Variants in RNF144A observed in about 807,000 individuals in gnomAD.
The protein encoded by RNF144A is E3 ubiquitin-protein ligase RNF144A.
Under a neutral mutation model 38.7 loss-of-function variants are expected in RNF144A, and 11 were observed. The observed-to-expected ratio is 0.28, with a 90% confidence interval of 0.18 to 0.47. The LOEUF (loss-of-function observed/expected upper bound fraction) is 0.47, where lower values mean the gene tolerates loss of function less well. Among genes scored for constraint, RNF144A ranks in the 20% least tolerant of loss-of-function variants. The probability of loss-of-function intolerance (pLI) is 0.99; values close to 1 mark genes in which losing one functional copy is unlikely to be tolerated. For missense variants in RNF144A, 316 were observed against 377.2 expected, an observed-to-expected ratio of 0.84 and a Z score of 1.34; for synonymous variants, 149 against 143.9, an observed-to-expected ratio of 1.04 and a Z score of -0.25.
At chr2:6,970,842 C>T (rs1667961347) in intron 2 of RNF144A, among the ~76,000 whole-genome samples, 1 of 152,190 alleles carries the variant, frequency 6.6e-6, no homozygotes, top group South Asian at 2.1e-4. Context: ...GTGGCCTAGT[C>T]CTTCCTCCTG....
In RNF144A at chr2:6,941,215, C is replaced by T. The variant is rs1168982373; in HGVS notation, c.-12+68C>T. 1 of 152,212 alleles carries T rather than the reference C, an allele frequency of 6.6e-6. No individual in the cohort carries two copies. The highest frequency in any genetic ancestry group is 2.4e-5 in the African/African-American group (1 of 41,444). 9.4% of individuals were successfully genotyped at this position (152,212 alleles called of 1,614,324 possible). A position where few individuals can be genotyped will look rare whatever the true frequency, so the allele number is the denominator to read the frequency against. ...GATCTCTTCTTAGTGGAATCTCAGG[C>T]CATTGTTGGAAAAGATAGTAGGCCT... On this transcript the variant is annotated intron_variant, in intron 2 of 8. Transcript: ENST00000320892. The surrounding 1 kb of genome is among the most constrained non-coding windows in gnomAD (Gnocchi z 6.5).
At chr2:6,987,075 T>C (rs1418480191) in intron 2 of RNF144A, among the ~76,000 whole-genome samples, 1 of 152,158 alleles carries the variant, frequency 6.6e-6, no homozygotes, top group Non-Finnish European at 1.5e-5. Context: ...CTGGGTCCTC[T>C]GTGGGAAACC....
At chr2:7,070,573 T>TATTTCCTAAC (rs1674433065), downstream of RNF144A, among the ~76,000 whole-genome samples, 8 of 152,250 alleles carry the variant, frequency 5.3e-5, no homozygotes, top group Admixed American at 2.0e-4. Flanking sequence ...ATAGAGAGTG[T>TATTTCCTAAC]TTGCAGATAT....
intron 5 of RNF144A, among the ~76,000 whole-genome samples, chr2:7,019,139 G>C (rs886275772): frequency 1.3e-5 from 2 of 152,160 alleles, no homozygotes; most frequent in African/African-American, 4.8e-5. Context: ...GCCAGCCCCT[G>C]GATTAGATGA....
At chr2:6,982,153 G>C (rs1668672055) in intron 2 of RNF144A, among the ~76,000 whole-genome samples, 1 of 152,196 alleles carries the variant, frequency 6.6e-6, no homozygotes, top group Admixed American at 6.5e-5. Context: ...TACAATTCCA[G>C]ATAAGATTTG....
rs1664202862 is a variant in RNF144A at position 6,917,609 on chromosome 2, A to ACGAGCAGG, written c.-223_-216dup. 6.8e-6 allele frequency: 1 copy of ACGAGCAGG among 147,552 alleles called. No homozygotes were observed. The highest frequency in any genetic ancestry group is 1.5e-5 in the Non-Finnish European group (1 of 66,278). 9.1% of individuals were successfully genotyped at this position (147,552 alleles called of 1,614,324 possible). A position where few individuals can be genotyped will look rare whatever the true frequency, so the allele number is the denominator to read the frequency against. On this transcript the variant is annotated 5_prime_UTR_variant, in exon 1 of 9. Transcript: ENST00000320892. The surrounding 1 kb of genome is among the most constrained non-coding windows in gnomAD (Gnocchi z 4.8). ...GAGGCGTCAGAGCCGCGCACCGCGGACGAGCAGGCCCAGGTAGAGTGACGC... is the reference window on the plus strand; with the variant it reads ...GAGGCGTCAGAGCCGCGCACCGCGGACGAGCAGGCGAGCAGGCCCAGGTAGAGTGACGC...
At position 7,043,485 on chromosome 2, in the gene RNF144A, A is replaced by G. The variant is rs1465680228; in HGVS notation, c.*3725A>G. On this transcript the variant is annotated 3_prime_UTR_variant, in exon 9 of 9. Coordinates refer to ENST00000320892, the MANE Select transcript of RNF144A (RefSeq NM_014746.6). ...CTGTGTATATATATAAATCACAAGGAGATCATCAAGGGAAAACATTTTGCA... is the reference window on the plus strand; with the variant it reads ...CTGTGTATATATATAAATCACAAGGGGATCATCAAGGGAAAACATTTTGCA... The G allele has an allele frequency of 1.0e-6, 1 of 985,674 alleles. No individual in the cohort carries two copies. The highest frequency in any genetic ancestry group is 1.2e-6 in the Non-Finnish European group (1 of 829,886). 61.1% of individuals were successfully genotyped at this position (985,674 alleles called of 1,614,324 possible). A position where few individuals can be genotyped will look rare whatever the true frequency, so the allele number is the denominator to read the frequency against.
intron 5 of RNF144A, among the ~76,000 whole-genome samples, chr2:7,017,132 C>T (rs1298382819): frequency 5.3e-5 from 8 of 152,120 alleles, no homozygotes; most frequent in African/African-American, 9.7e-5. Flanking sequence ...ACTCGACGCC[C>T]GTGGCCCTCT....
rs1673009441 is a variant in RNF144A, at chr2:7,040,951, T to C, written c.*1191T>C. The C allele has an allele frequency of 1.0e-6, 1 of 985,346 alleles. No homozygotes were observed. Among genetic ancestry groups the C allele is most frequent in the South Asian group, 4.7e-5 (1 of 21,294 alleles). 61.0% of individuals were successfully genotyped at this position (985,346 alleles called of 1,614,324 possible). ...ACTTGATCTTTTACAGGGCTGTCTGTGACCATTTCCATGGCAGCAGGATGC... is the reference window on the plus strand; with the variant it reads ...ACTTGATCTTTTACAGGGCTGTCTGCGACCATTTCCATGGCAGCAGGATGC... On this transcript the variant is annotated 3_prime_UTR_variant, in exon 9 of 9. Coordinates refer to ENST00000320892, the MANE Select transcript of RNF144A (RefSeq NM_014746.6).
At chr2:7,000,462 A>G (rs1670027526) in intron 3 of RNF144A, among the ~76,000 whole-genome samples, 1 of 152,194 alleles carries the variant, frequency 6.6e-6, no homozygotes. Context: ...GACCTGGGAA[A>G]TTCCTTATGG....
intron 2 of RNF144A, among the ~76,000 whole-genome samples, chr2:6,967,889 T>C (rs1667771861): frequency 6.6e-6 from 1 of 152,204 alleles, no homozygotes; most frequent in Admixed American, 6.5e-5. Flanking sequence ...TTCATGAACA[T>C]CCTTGCAAAC....
At chr2:7,047,208 TG>T (rs1207339872), downstream of RNF144A, among the ~76,000 whole-genome samples, 1 of 152,156 alleles carries the variant, frequency 6.6e-6, no homozygotes, top group Non-Finnish European at 1.5e-5. Flanking sequence ...CTCCTGTTGC[TG>T]GGGGTGTGTG....
At chr2:6,953,461 T>C (rs1044153327) in intron 2 of RNF144A, among the ~76,000 whole-genome samples, 25 of 152,318 alleles carry the variant, frequency 1.6e-4, no homozygotes, top group African/African-American at 6.0e-4. Flanking sequence ...ACTGCTTTAA[T>C]GGCATCTCAT....
chr2:7,019,955 C>T (rs1274569797), intron 5 of RNF144A, among the ~76,000 whole-genome samples: 1 of 152,198 alleles, frequency 6.6e-6, no homozygotes, highest in Non-Finnish European at 1.5e-5. Context: ...GTTAGAAGAA[C>T]AATCCAGCCA....
At chr2:6,986,250 G>T (rs192405384) in intron 2 of RNF144A, among the ~76,000 whole-genome samples, 2,396 of 146,570 alleles carry the variant, frequency 0.016, 39 homozygotes, top group Admixed American at 0.035. Context: ...ATAAAACCCG[G>T]TTTTTTTTTT....
At chr2:6,922,641 T>C (rs540115865) in intron 1 of RNF144A, among the ~76,000 whole-genome samples, 184 of 151,192 alleles carry the variant, frequency 1.2e-3, no homozygotes, top group Non-Finnish European at 2.5e-3. Flanking sequence ...TTTTTTTTTT[T>C]TGAGATGGAG....
Position 7,042,859 on chromosome 2 carries a change from C to T in RNF144A, c.*3099C>T. 1 of 985,184 alleles carries T rather than the reference C, an allele frequency of 1.0e-6. No individual in the cohort carries two copies. Among genetic ancestry groups the T allele is most frequent in the South Asian group, 4.7e-5 (1 of 21,288 alleles). 61.0% of individuals were successfully genotyped at this position (985,184 alleles called of 1,614,324 possible). A position where few individuals can be genotyped will look rare whatever the true frequency, so the allele number is the denominator to read the frequency against. The stretch of plus-strand genomic sequence containing the variant: ...AGGAACCAACATCTGCCACCTCTGG[C>T]ATTTTCTTTCTTTTTTTTTCTTTTT... On this transcript the variant is annotated 3_prime_UTR_variant, in exon 9 of 9. Coordinates refer to ENST00000320892, the MANE Select transcript of RNF144A (RefSeq NM_014746.6).
intron 5 of RNF144A, among the ~76,000 whole-genome samples, chr2:7,019,257 C>T (rs1041106798): frequency 6.6e-5 from 10 of 152,328 alleles, no homozygotes; most frequent in Admixed American, 2.6e-4. Context: ...CTTACACATA[C>T]GTATGCGTGT....
chr2:6,988,022 G>T (rs979660899), intron 2 of RNF144A, among the ~76,000 whole-genome samples: 1 of 152,132 alleles, frequency 6.6e-6, no homozygotes. Flanking sequence ...AAAAATAAGT[G>T]AACTAATCTG....
Sources: allele counts gnomAD v4.1 joint callset (sites outside exome capture counted in the v4.1 genomes callset), GRCh38; gene constraint gnomAD v4.1.1; non-coding constraint Gnocchi (gnomAD v3.1); transcripts MANE v1.5; gene names NCBI Gene and HGNC (gene_info 2026-07-23, HGNC 2026-07-21).